The following SS18 variants were observed in gnomAD, a reference collection of about 807,000 sequenced individuals.
The protein encoded by SS18 is SS18 subunit of BAF chromatin remodeling complex.
Under a neutral mutation model 72.5 loss-of-function variants are expected in SS18, and 28 were observed. That is an observed-to-expected ratio of 0.39 (90% CI 0.29 to 0.53). SS18 has a LOEUF of 0.53. SS18 is among the 20% of genes least tolerant of loss of function. SS18 has a pLI of 0.76. For missense variants in SS18, 518 were observed against 535.3 expected, an observed-to-expected ratio of 0.97 and a Z score of 0.32; for synonymous variants, 172 against 164.2, an observed-to-expected ratio of 1.05 and a Z score of -0.37.
chr18:26,021,418 G>A (rs538702646), intron 10 of SS18, among the ~76,000 whole-genome samples: 1 of 152,218 alleles, frequency 6.6e-6, no homozygotes, highest in South Asian at 2.1e-4. Context: ...ACAGAGCATG[G>A]GCTTTCAGCA....
chr18:26,062,082 G>C (rs1442944182), intron 3 of SS18, among the ~76,000 whole-genome samples: 1 of 152,096 alleles, frequency 6.6e-6, no homozygotes, highest in Non-Finnish European at 1.5e-5. Context: ...CCAACATGAT[G>C]AAACCCAATC....
At chr18:26,071,364 C>T (rs181395335) in intron 3 of SS18, among the ~76,000 whole-genome samples, 200 of 152,224 alleles carry the variant, frequency 1.3e-3, no homozygotes, top group South Asian at 4.3e-3. Flanking sequence ...AAATCCTAGA[C>T]AAAGCAAAAC....
At chr18:26,054,830 TC>T (rs1252007768) in intron 4 of SS18, among the ~76,000 whole-genome samples, 6 of 151,894 alleles carry the variant, frequency 4.0e-5, no homozygotes, top group Admixed American at 3.9e-4. Context: ...AACCTCCACT[TC>T]CCGGGTTCAA....
At chr18:26,059,776 A>G (rs1421594390) in intron 3 of SS18, among the ~76,000 whole-genome samples, 4 of 152,266 alleles carry the variant, frequency 2.6e-5, no homozygotes, top group African/African-American at 7.2e-5. Flanking sequence ...TAGAGCTTCT[A>G]TAATTGTTCA....
At chr18:26,028,064 T>A (rs1004562794) in intron 10 of SS18, among the ~76,000 whole-genome samples, 5 of 152,124 alleles carry the variant, frequency 3.3e-5, no homozygotes, top group South Asian at 4.2e-4. Flanking sequence ...TAAGGACTTG[T>A]ATCTAGGATA....
Position 26,018,095 on chromosome 18 carries a change from C to T in SS18, c.*259G>A. 5.6e-6 allele frequency: 2 copies of T among 358,598 alleles called. No individual in the cohort carries two copies. Among genetic ancestry groups the T allele is most frequent in the Non-Finnish European group, 1.0e-5 (2 of 197,334 alleles). 22.2% of individuals were successfully genotyped at this position (358,598 alleles called of 1,614,324 possible). Reference sequence around the variant, plus strand: ...TTGAAACACAGTTCCAAAATCATTACAAATTGGTTATGTCATTGCATTTTC... The same window carrying T: ...TTGAAACACAGTTCCAAAATCATTATAAATTGGTTATGTCATTGCATTTTC... On this transcript the variant is annotated 3_prime_UTR_variant, in exon 11 of 11. Transcript: ENST00000415083.
chr18:26,023,584 AT>A, intron 10 of SS18: 1 of 523,400 alleles, frequency 1.9e-6, no homozygotes, highest in Non-Finnish European at 3.7e-6. Context: ...AGAGTGGAGC[AT>A]CTTTAAAGTA....
chr18:26,054,925 G>T (rs915422619), intron 4 of SS18, among the ~76,000 whole-genome samples: 6 of 151,904 alleles, frequency 3.9e-5, no homozygotes, highest in African/African-American at 1.4e-4. Context: ...TTTTAGTAGA[G>T]ATGAGGTTTA....
Position 26,072,054 on chromosome 18 carries a change from T to C in SS18, c.231+6022A>G, listed in dbSNP as rs560558093. On this transcript the variant is annotated intron_variant, in intron 3 of 10. Transcript: ENST00000415083. The stretch of plus-strand genomic sequence containing the variant: ...GTAAGTAACTATGTGGATGATCTAA[T>C]GAACACTGACTTCAAAAAAAAGACA... Among the ~76,000 whole-genome samples the C allele has an allele frequency of 2.6e-5, 4 of 152,110 alleles. No individual in the cohort carries two copies. The South Asian group carries it at 8.3e-4, about 32-fold the overall frequency.
At chr18:26,049,560 T>C (rs2053886163) in intron 5 of SS18, among the ~76,000 whole-genome samples, 1 of 152,212 alleles carries the variant, frequency 6.6e-6, no homozygotes, top group Non-Finnish European at 1.5e-5. Context: ...TCACCCAAGC[T>C]GGAGTGCAGT....
At position 26,087,577 on chromosome 18, in the gene SS18, T is replaced by C; in HGVS notation, c.70A>G (p.Met24Val). ...GEITPAAIQK[M>V]LDDNNHLIQC... ...ATAAGATGGTTATTGTCATCCAACA[T>C]CTGAAACAGAATTAGAAAAGGTTTA... Residue 24 changes from methionine (M) to valine (V), a missense_variant and splice_region_variant, in exon 2 of 11, where the codon ATG becomes GTG. Transcript: ENST00000415083. 1.3e-6 allele frequency: 2 copies of C among 1,557,122 alleles called. No individual in the cohort carries two copies. Among genetic ancestry groups the C allele is most frequent in the South Asian group, 2.3e-5 (2 of 85,664 alleles).
chr18:26,023,371 A>T (rs1284245125), intron 10 of SS18, among the ~76,000 whole-genome samples: 2 of 152,200 alleles, frequency 1.3e-5, no homozygotes, highest in Non-Finnish European at 2.9e-5. Context: ...AACAAACTCC[A>T]AGCATAAGAA....
intron 3 of SS18, chr18:26,068,648 A>G (rs1307031084): frequency 6.6e-6 from 1 of 152,208 alleles, no homozygotes; most frequent in Non-Finnish European, 1.5e-5. Flanking sequence ...CCTGAAGACT[A>G]ATATTATCAT....
intron 5 of SS18, among the ~76,000 whole-genome samples, chr18:26,049,443 T>G (rs60693569): frequency 0.02 from 3,022 of 152,318 alleles, 87 homozygotes; most frequent in African/African-American, 0.069. Context: ...TGTTGAATTC[T>G]AGTGAAGTTT....
Position 26,078,118 on chromosome 18 carries a change from T to G in SS18, c.189A>C (p.Thr63=). ...MLHTNLVYLA[T]IADSNQNMQS... is the part of the protein sequence containing the mutation. ...GCATATTTTGATTAGAATCTGCTATTGTAGCAAGGTATACCAAGTTTGTGT... is the reference window on the plus strand; with the variant it reads ...GCATATTTTGATTAGAATCTGCTATGGTAGCAAGGTATACCAAGTTTGTGT... Residue 63 remains threonine (T), a synonymous_variant, in exon 3 of 11, where the codon ACA becomes ACC. Coordinates refer to ENST00000415083, the MANE Select transcript of SS18 (RefSeq NM_001007559.3). 6.2e-7 allele frequency: 1 copy of G among 1,612,952 alleles called. No individual in the cohort carries two copies. The highest frequency in any genetic ancestry group is 8.5e-7 in the Non-Finnish European group (1 of 1,179,522).
At chr18:26,073,981 C>T (rs889586176) in intron 3 of SS18, among the ~76,000 whole-genome samples, 1 of 152,114 alleles carries the variant, frequency 6.6e-6, no homozygotes, top group Non-Finnish European at 1.5e-5. Flanking sequence ...TTGCCAAGAT[C>T]ACATTTGAAT....
chr18:26,080,338 C>G (rs2054495119), intron 2 of SS18: 1 of 985,210 alleles, frequency 1.0e-6, no homozygotes, highest in Admixed American at 6.2e-5. Context: ...TTTTCCTTTG[C>G]TTGAGTATTA....
intron 10 of SS18, among the ~76,000 whole-genome samples, chr18:26,029,378 A>G (rs572680241): frequency 3.6e-4 from 55 of 152,370 alleles, no homozygotes; most frequent in Non-Finnish European, 6.8e-4. Flanking sequence ...TGTGCAGAGT[A>G]TCTTGTAGAG....
chr18:26,032,524 GT>G lies in SS18; in HGVS notation c.1104del (p.Gln369ArgfsTer58). On this transcript the variant is annotated frameshift_variant, in exon 10 of 11. Coordinates refer to ENST00000415083, the MANE Select transcript of SS18 (RefSeq NM_001007559.3). LOFTEE classifies it high-confidence loss of function. ...GGATACTGAGGACCTGGACCACCCT[GT>G]GAAGGACCTGAAAATAATGTACACA... ...YPGQQQGYGP[S>X]QGGPGPQYPN... 1 of 1,613,480 alleles carries G rather than the reference GT, an allele frequency of 6.2e-7. No homozygotes were observed. Among genetic ancestry groups the G allele is most frequent in the Non-Finnish European group, 8.5e-7 (1 of 1,179,688 alleles).
Sources: allele counts gnomAD v4.1 joint callset (sites outside exome capture counted in the v4.1 genomes callset), GRCh38; gene constraint gnomAD v4.1.1; transcripts MANE v1.5; gene names NCBI Gene and HGNC (gene_info 2026-07-23, HGNC 2026-07-21).